The following ANKRD26 variants were observed in gnomAD, a reference collection of about 807,000 sequenced individuals.
ANKRD26 encodes the protein ankyrin repeat domain-containing protein 26.
In ANKRD26, 141 loss-of-function variants were observed where a neutral mutation model predicts 208.7. The ratio of observed to expected loss-of-function variants is 0.68; its 90% CI spans 0.59 to 0.78. The LOEUF is 0.78. Ranked by LOEUF, ANKRD26 falls within the 30% of genes least tolerant of loss-of-function variation. ANKRD26 has a pLI of 0.00. For synonymous variants in ANKRD26, 636 were observed against 660.4 expected (o/e 0.96, Z 0.57); for missense variants, 1,889 against 1,938.7 (o/e 0.97, Z 0.48).
downstream of ANKRD26, among the ~76,000 whole-genome samples, chr10:27,001,355 C>T (rs150856981): frequency 3.9e-5 from 6 of 152,114 alleles, no homozygotes; most frequent in African/African-American, 7.2e-5. Flanking sequence ...ATCAAGGATG[C>T]GGACACACAA....
At chr10:27,041,957 T>C (rs2054256159) in intron 20 of ANKRD26, among the ~76,000 whole-genome samples, 1 of 152,126 alleles carries the variant, frequency 6.6e-6, no homozygotes. Flanking sequence ...TGATGTGGTA[T>C]GATATTATTT....
chr10:27,016,187 A>C (rs1366764477), intron 30 of ANKRD26, among the ~76,000 whole-genome samples: 1 of 151,362 alleles, frequency 6.6e-6, no homozygotes, highest in Non-Finnish European at 1.5e-5. Flanking sequence ...ATGGGGTCTC[A>C]CTTTGTTGCC....
At chr10:26,979,021 G>A (rs1230677422) in intron 5 of ANKRD26, among the ~76,000 whole-genome samples, 1 of 152,130 alleles carries the variant, frequency 6.6e-6, no homozygotes, top group African/African-American at 2.4e-5. Context: ...AGTAGATCGA[G>A]ACCATCTTGC....
At chr10:26,956,220 A>C in the ANKRD26 span, among the ~76,000 whole-genome samples, 2 of 152,190 alleles carry the variant, frequency 1.3e-5, no homozygotes, top group African/African-American at 4.8e-5. Flanking sequence ...CTCTCATGAT[A>C]TAAATGAATT....
intron 16 of ANKRD26, chr10:27,051,848 A>G (rs2054673819): frequency 1.0e-6 from 1 of 985,260 alleles, no homozygotes; most frequent in South Asian, 4.7e-5. Flanking sequence ...ACTCTTCCCC[A>G]GGAGAAGCAG....
intron 5 of ANKRD26, among the ~76,000 whole-genome samples, chr10:26,976,171 T>A (rs1017844752): frequency 3.3e-5 from 5 of 152,190 alleles, no homozygotes; most frequent in African/African-American, 1.2e-4. Context: ...TAACAATTCC[T>A]CATCTTGCAT....
intron 9 of ANKRD26, among the ~76,000 whole-genome samples, chr10:27,073,118 A>G (rs1231958154): frequency 6.6e-6 from 1 of 152,202 alleles, no homozygotes; most frequent in Non-Finnish European, 1.5e-5. Context: ...CATGGGAAAA[A>G]AAGAAACCAG....
chr10:26,971,675 C>CAAAAAAAAAA (rs1170237211), downstream of ANKRD26, among the ~76,000 whole-genome samples: 1 of 89,454 alleles, frequency 1.1e-5, no homozygotes, highest in African/African-American at 3.8e-5. Context: ...GACCATGTCT[C>CAAAAAAAAAA]AAAAAAAAAA....
Position 27,029,338 on chromosome 10 carries a change from G to A in ANKRD26, c.3826C>T (p.Arg1276Ter), listed in dbSNP as rs776024539. The A allele has an allele frequency of 3.1e-6, 5 of 1,612,222 alleles. No individual in the cohort carries two copies. Among genetic ancestry groups the A allele is most frequent in the Middle Eastern group, 1.6e-4 (1 of 6,072 alleles). ...IRNQLQEAQD[R>*]HTEAVRCAEK... is the part of the protein sequence containing the mutation. ...GCACATCTGACAGCTTCTGTATGTC[G>A]ATCCTGTGCTTCTTGCAACTAAAAC... is the stretch of plus-strand genomic sequence containing the variant. Residue 1276 changes from arginine to a stop codon, truncating the protein, a stop_gained, in exon 26 of 34, where the codon CGA (arginine) becomes TGA (stop). Coordinates refer to ENST00000376087, the MANE Select transcript of ANKRD26 (RefSeq NM_014915.3). LOFTEE classifies it high-confidence loss of function.
chr10:27,016,818 G>C (rs2053309037), intron 30 of ANKRD26, among the ~76,000 whole-genome samples: 2 of 151,864 alleles, frequency 1.3e-5, no homozygotes, highest in Non-Finnish European at 2.9e-5. Context: ...GGTAATTATT[G>C]TGTATTTTTT....
chr10:27,030,971 T>C (rs2053846738), intron 25 of ANKRD26, among the ~76,000 whole-genome samples: 1 of 151,766 alleles, frequency 6.6e-6, no homozygotes, highest in African/African-American at 2.4e-5. Context: ...TGAAAAAAAA[T>C]AAAAGTGAAG....
Position 27,035,394 on chromosome 10 carries a change from T to A in ANKRD26, c.3056A>T (p.Asp1019Val), listed in dbSNP as rs765323020. Reference protein sequence around the residue: ...YHSRLAAAIHDRDQSETSKRE... With the variant: ...YHSRLAAAIHVRDQSETSKRE... ...TTTTGATGTCTCACTTTGATCACGA[T>A]CATGTATAGCAGCAGCCAATCTAGA... is the stretch of plus-strand genomic sequence containing the variant. Residue 1019 changes from aspartate (D) to valine (V), a missense_variant, in exon 24 of 34, where the codon GAT (aspartate) becomes GTT (valine). Around this residue, in one of 3 missense-constraint regions of ANKRD26, gnomAD observed 1,272 missense variants for 1,273.8 expected, o/e 1.00. Transcript: ENST00000376087. The A allele has an allele frequency of 1.2e-6, 2 of 1,613,870 alleles. No homozygotes were observed. The highest frequency in any genetic ancestry group is 2.7e-5 in the African/African-American group (2 of 74,940).
At chr10:27,095,981 C>G (rs922785189) in intron 1 of ANKRD26, among the ~76,000 whole-genome samples, 20 of 151,640 alleles carry the variant, frequency 1.3e-4, no homozygotes, top group African/African-American at 4.8e-4. Context: ...AATGGATTCT[C>G]CCTCCCACCA....
At chr10:27,021,437 C>T (rs1286418821) in intron 29 of ANKRD26, among the ~76,000 whole-genome samples, 1 of 152,178 alleles carries the variant, frequency 6.6e-6, no homozygotes, top group South Asian at 2.1e-4. Context: ...TTCTCTGCAG[C>T]CTTGCTGGCA....
chr10:27,078,152 A>G (rs917797626), intron 7 of ANKRD26, among the ~76,000 whole-genome samples: 2 of 152,210 alleles, frequency 1.3e-5, no homozygotes, highest in African/African-American at 4.8e-5. Flanking sequence ...ATTTTATGAA[A>G]GTGGGTTGGC....
In ANKRD26 at chr10:27,060,196, C is replaced by T. The variant is rs117781035; in HGVS notation, c.1564+149G>A. On this transcript the variant is annotated intron_variant, in intron 15 of 33. Coordinates refer to ENST00000376087, the MANE Select transcript of ANKRD26 (RefSeq NM_014915.3). ...CTAGTCTGGGTGACAGAGCAAGACT[C>T]GGTCTCAATTAAAAAAAAATTTTTT... The T allele has an allele frequency of 0.028, 18,731 of 665,492 alleles. 1,346 individuals carry two copies. Among genetic ancestry groups the T allele is most frequent in the East Asian group, 0.2 (7,099 of 34,668 alleles). The allele number at this position is 665,492 out of a possible 1,614,324, so 41.2% of individuals were successfully genotyped here.
the ANKRD26 span, among the ~76,000 whole-genome samples, chr10:26,949,921 T>C: frequency 6.6e-6 from 1 of 152,228 alleles, no homozygotes; most frequent in East Asian, 1.9e-4. Context: ...CACCTACACC[T>C]TTTTTCACTT....
intron 25 of ANKRD26, chr10:27,030,364 C>A (rs2053824800): frequency 1.0e-6 from 1 of 982,446 alleles, no homozygotes; most frequent in South Asian, 4.7e-5. Flanking sequence ...GCAAACAGCA[C>A]CTCCTGGAAT....
rs1198255490 is a variant in ANKRD26, at chr10:27,005,059, GGTTA to G, written c.*527_*530del. ...TCTAAACTGAAGGCTATTTCCAAAAGGTTAATTAAAAATAAATAAACAAACAGAA... is the reference window on the plus strand; with the variant it reads ...TCTAAACTGAAGGCTATTTCCAAAAGATTAAAAATAAATAAACAAACAGAA... On this transcript the variant is annotated 3_prime_UTR_variant, in exon 34 of 34. Coordinates refer to ENST00000376087, the MANE Select transcript of ANKRD26 (RefSeq NM_014915.3). 7 of 984,886 alleles carry G rather than the reference GGTTA, an allele frequency of 7.1e-6. No individual in the cohort carries two copies. Among genetic ancestry groups the G allele is most frequent in the Non-Finnish European group, 7.2e-6 (6 of 829,562 alleles). 61.0% of individuals were successfully genotyped at this position (984,886 alleles called of 1,614,324 possible). A position where few individuals can be genotyped will look rare whatever the true frequency, so the allele number is the denominator to read the frequency against.
Sources: allele counts gnomAD v4.1 joint callset (sites outside exome capture counted in the v4.1 genomes callset), GRCh38; gene constraint gnomAD v4.1.1; regional missense constraint gnomAD v4.1.1; transcripts MANE v1.5; gene names NCBI Gene and HGNC (gene_info 2026-07-23, HGNC 2026-07-21).